The following KEL variants were observed in gnomAD, a reference collection of about 807,000 sequenced individuals.
KEL encodes the protein kell blood group glycoprotein.
Under a neutral mutation model 99.5 loss-of-function variants are expected in KEL, and 96 were observed. The ratio of observed to expected loss-of-function variants is 0.97; its 90% CI spans 0.82 to 1.14. KEL has a LOEUF of 1.14. Among genes scored for constraint, KEL ranks in the 50% most tolerant of loss-of-function variants. The probability of loss-of-function intolerance (pLI) is 0.00; values close to 1 mark genes in which losing one functional copy is unlikely to be tolerated. For missense variants in KEL, 926 were observed against 924.2 expected (o/e 1.00, Z -0.03); for synonymous variants, 355 against 354.8 (o/e 1.00, Z -0.01).
At chr7:142,943,421 C>G in intron 15 of KEL, 65 bp downstream of exon 15, 1 of 1,605,254 alleles carries the variant, frequency 6.2e-7, no homozygotes, top group South Asian at 1.1e-5. Flanking sequence ...TAAGTCCCAT[C>G]CATCATAACA....
chr7:142,941,377 C>T lies in KEL; in HGVS notation c.2074G>A (p.Asp692Asn), dbSNP rs148753837. The T allele has an allele frequency of 4.0e-4, 651 of 1,609,240 alleles. 1 individual carries two copies. The highest frequency in any genetic ancestry group is 5.0e-4 in the Non-Finnish European group (591 of 1,176,462). ...CGGAGGTGTGGAGGGCTGTGAGTGT[C>T]GTGAGAGTCCTGGGGGCTGGGCTTC... is the stretch of plus-strand genomic sequence containing the variant. Reference protein sequence around the residue: ...CRKPSPQDSHDTHSPPHLRVH... With the variant: ...CRKPSPQDSHNTHSPPHLRVH... Residue 692 changes from aspartate (D) to asparagine (N), a missense_variant, in exon 19 of 19, where the codon GAC becomes AAC. Coordinates refer to ENST00000355265, the MANE Select transcript of KEL (RefSeq NM_000420.3).
At chr7:142,943,085 T>C (rs372478760) in intron 16 of KEL, 41 bp from the exon 17 acceptor site, 4 of 1,610,120 alleles carry the variant, frequency 2.5e-6, no homozygotes, top group Admixed American at 1.7e-5. Context: ...CAAGAGAACA[T>C]AGGGTTGGTG....
chr7:142,961,291 A>G lies in KEL; in HGVS notation c.223+69T>C. The stretch of plus-strand genomic sequence containing the variant: ...CAGGGTGGGCAGAAGCCCCAGGAGC[A>G]GGGACTGGGCCTGGGCCCCAGGGCT... On this transcript the variant is annotated intron_variant, in intron 3 of 18. Transcript: ENST00000355265. The G allele has an allele frequency of 2.5e-6, 4 of 1,602,870 alleles. No homozygotes were observed. In the South Asian group the frequency reaches 4.4e-5, roughly 18 times the overall value.
intron 6 of KEL, among the ~76,000 whole-genome samples, chr7:142,955,368 T>C (rs8175988): frequency 9.2e-5 from 14 of 152,190 alleles, no homozygotes; most frequent in African/African-American, 3.4e-4. Flanking sequence ...TTTTGATTCA[T>C]TTTGAATAAA....
At chr7:142,952,401 T>C in intron 10 of KEL, 108 bp downstream of exon 10, 1 of 1,398,800 alleles carries the variant, frequency 7.1e-7, no homozygotes, top group Non-Finnish European at 1.0e-6. Flanking sequence ...TGGAGGGGCA[T>C]CTACCATCAC....
intron 6 of KEL, 102 bp from the exon 7 acceptor site, chr7:142,954,629 G>A (rs1163984103): frequency 1.0e-6 from 1 of 987,562 alleles, no homozygotes; most frequent in South Asian, 1.3e-5. Flanking sequence ...CTTGGGAGAT[G>A]GACACAAAGA....
At chr7:142,942,853 G>T (rs759655406) in intron 17 of KEL, 22 bp downstream of exon 17, 2 of 1,613,810 alleles carry the variant, frequency 1.2e-6, no homozygotes, top group Non-Finnish European at 1.7e-6. Context: ...CACATAAACT[G>T]TGGCCCTTGA....
At position 142,962,333 on chromosome 7, in the gene KEL, T is replaced by C; in HGVS notation, c.-127A>G. On this transcript the variant is annotated 5_prime_UTR_variant, in exon 1 of 19. Transcript: ENST00000355265. ...CCTGGAGAAGGGGCACTTCTGCTGC[T>C]CTTTCGCCTTGTCCCCAGACACACA... 1 of 1,077,136 alleles carries C rather than the reference T, an allele frequency of 9.3e-7. No homozygotes were observed. The highest frequency in any genetic ancestry group is 1.4e-6 in the Non-Finnish European group (1 of 699,078). 66.7% of individuals were successfully genotyped at this position (1,077,136 alleles called of 1,614,324 possible).
At chr7:142,954,617 G>A (rs1796780917) in intron 6 of KEL, 90 bp from the exon 7 acceptor site, 6 of 1,107,056 alleles carry the variant, frequency 5.4e-6, no homozygotes, top group Non-Finnish European at 2.8e-6. Flanking sequence ...ATGGGAGATG[G>A]CCTTGGGAGA....
chr7:142,946,730 A>T, intron 10 of KEL: 1 of 256,338 alleles, frequency 3.9e-6, no homozygotes, highest in Non-Finnish European at 7.6e-6. Flanking sequence ...TCTTTGCTCA[A>T]AACGGAGATT....
intron 1 of KEL, 40 bp downstream of exon 1, chr7:142,962,164 C>T (rs1344900119): frequency 1.9e-6 from 3 of 1,613,868 alleles, no homozygotes; most frequent in Admixed American, 1.7e-5. Context: ...GCCACCCTCA[C>T]CCCTCCCCGC....
chr7:142,942,796 G>A (rs138693131), intron 17 of KEL, 79 bp downstream of exon 17: 3 of 1,545,700 alleles, frequency 1.9e-6, no homozygotes, highest in Non-Finnish European at 2.7e-6. Flanking sequence ...CTTGTGTCAG[G>A]AATGGTGGAA....
Position 142,961,248 on chromosome 7 carries a change from C to A in KEL, c.223+112G>T, listed in dbSNP as rs2116353200. 3.9e-6 allele frequency: 6 copies of A among 1,545,990 alleles called. No individual in the cohort carries two copies. The South Asian group carries it at 5.6e-5, about 14-fold the overall frequency. On this transcript the variant is annotated intron_variant, in intron 3 of 18. Coordinates refer to ENST00000355265, the MANE Select transcript of KEL (RefSeq NM_000420.3). ...TTAGGATGCAGGGAGGAAGAAGAAC[C>A]ATGGGGACCCCAAGGGTCAGGGTGG...
intron 9 of KEL, 133 bp downstream of exon 9, chr7:142,953,675 T>A: frequency 9.6e-7 from 1 of 1,040,750 alleles, no homozygotes; most frequent in Non-Finnish European, 1.5e-6. Flanking sequence ...CCCGCACAGG[T>A]GGCAGGTTCC....
intron 10 of KEL, chr7:142,946,675 C>T: frequency 2.9e-6 from 1 of 346,654 alleles, no homozygotes; most frequent in South Asian, 3.5e-5. Flanking sequence ...TCCCCCACCA[C>T]CACTCTACTC....
intron 10 of KEL, among the ~76,000 whole-genome samples, chr7:142,952,087 GC>G (rs1796699992): frequency 6.6e-6 from 1 of 152,110 alleles, no homozygotes; most frequent in Non-Finnish European, 1.5e-5. Flanking sequence ...TCTTTGTGAA[GC>G]ACGTTTGAAC....
At chr7:142,953,698 G>T in intron 9 of KEL, 110 bp downstream of exon 9, 4 of 1,288,126 alleles carry the variant, frequency 3.1e-6, no homozygotes, top group Non-Finnish European at 4.5e-6. Flanking sequence ...TTATCCTCCT[G>T]GGAGGCCCTT....
intron 9 of KEL, among the ~76,000 whole-genome samples, 200 bp from the exon 10 acceptor site, chr7:142,952,838 A>G (rs549778673): frequency 6.6e-6 from 1 of 152,340 alleles, no homozygotes; most frequent in African/African-American, 2.4e-5. Flanking sequence ...CCTTAGTAAA[A>G]GAAACTAGAT....
At chr7:142,961,672 A>G in intron 2 of KEL, 123 bp downstream of exon 2, 1 of 1,275,342 alleles carries the variant, frequency 7.8e-7, no homozygotes, top group Non-Finnish European at 1.1e-6. Flanking sequence ...ATGAGAAAAC[A>G]AGGAATGTCA....
Sources: allele counts gnomAD v4.1 joint callset (sites outside exome capture counted in the v4.1 genomes callset), GRCh38; gene constraint gnomAD v4.1.1; transcripts MANE v1.5; gene names NCBI Gene and HGNC (gene_info 2026-07-23, HGNC 2026-07-21).